MMP11: variants seen among roughly 807,000 people sequenced by gnomAD.
The protein encoded by MMP11 is matrix metallopeptidase 11, also known as stromelysin-3.
MMP11 carries 26 observed loss-of-function variants against 49.5 expected under a neutral mutation model. The observed-to-expected ratio is 0.52, with a 90% CI of 0.38 to 0.73. The LOEUF (loss-of-function observed/expected upper bound fraction) is 0.73. Among genes scored for constraint, MMP11 ranks in the 30% least tolerant of loss-of-function variants. The pLI is 0.00. For missense variants in MMP11, 624 were observed against 671.2 expected (o/e 0.93, Z 0.78); for synonymous variants, 265 against 282.3 (o/e 0.94, Z 0.62).
At position 23,776,307 on chromosome 22, in the gene MMP11, G is replaced by C. The variant is rs530871202; in HGVS notation, c.109-2880G>C. 4.3e-3 allele frequency among the ~76,000 whole-genome samples: 657 copies of C among 152,312 alleles called. 3 individuals are homozygous for C. The highest frequency in any genetic ancestry group is 9.9e-3 in the Admixed American group (152 of 15,300). On this transcript the variant is annotated intron_variant, in intron 1 of 7. Transcript: ENST00000215743. The stretch of plus-strand genomic sequence containing the variant: ...AGCACAGCTCTGCCCTTTCCAGGGA[G>C]GGTCTTCATACCCCTGCCAGGCTGG...
rs368171608 is a variant in MMP11, at chr22:23,782,414, G to T, written c.1264G>T (p.Val422Leu). ...HPSTRRVDSP[V>L]PRRATDWRGV... ...CAGCACCCGGCGTGTAGACAGTCCC[G>T]TGCCCCGCAGGGCCACTGACTGGAG... The change falls in exon 7 of 8, where the codon GTG becomes TTG. Residue 422 changes from valine (V) to leucine (L), a missense_variant. Physicochemically the swap from Val to Leu is conservative, Grantham distance 32. Transcript: ENST00000215743. 6.2e-7 allele frequency: 1 copy of T among 1,613,762 alleles called. No individual in the cohort carries two copies. The highest frequency in any genetic ancestry group is 8.5e-7 in the Non-Finnish European group (1 of 1,179,970).
Position 23,772,997 on chromosome 22 carries a change from C to T in MMP11, c.108+19C>T, listed in dbSNP as rs1927286580. The T allele has an allele frequency of 2.5e-6, 3 of 1,178,380 alleles. No homozygotes were observed. The African/African-American group carries it at 4.9e-5, about 19-fold the overall frequency. The allele number at this position is 1,178,380 out of a possible 1,614,324, so 73.0% of individuals were successfully genotyped here. ...GCCGCCGGTGAGTGCCCGCCACTCGCCGGCCGCTCCTCGCTGAGGGGGCGC... is the reference window on the plus strand; with the variant it reads ...GCCGCCGGTGAGTGCCCGCCACTCGTCGGCCGCTCCTCGCTGAGGGGGCGC... On this transcript the variant is annotated intron_variant, in intron 1 of 7. Transcript: ENST00000215743.
rs368784091 is a variant in MMP11, at chr22:23,780,559, A to G, written c.483-23A>G. On this transcript the variant is annotated intron_variant, in intron 3 of 7. Coordinates refer to ENST00000215743, the MANE Select transcript of MMP11 (RefSeq NM_005940.5). The surrounding 1 kb of genome is among the most constrained non-coding windows in gnomAD (Gnocchi z 4.6). ...CAGCCTCGCCTGCCAGCAGCCACTGACCCCGCCCCCACCCATCTGTAGGTA... is the reference window on the plus strand; with the variant it reads ...CAGCCTCGCCTGCCAGCAGCCACTGGCCCCGCCCCCACCCATCTGTAGGTA... 1.9e-6 allele frequency: 3 copies of G among 1,610,584 alleles called. No individual in the cohort carries two copies. In the African/African-American group the frequency reaches 4.0e-5, roughly 22 times the overall value.
At position 23,780,500 on chromosome 22, in the gene MMP11, C is replaced by T; in HGVS notation, c.480C>T (p.Ala160=). 1.2e-6 allele frequency: 2 copies of T among 1,613,862 alleles called. No homozygotes were observed. The highest frequency in any genetic ancestry group is 1.7e-6 in the Non-Finnish European group (2 of 1,180,010). ...EGRADIMIDF[A]RYWHGDDLPF... ...GTGCTGACATCATGATCGACTTCGCCAGGTGAATGGGCGGCCTGGGACCCC... is the reference window on the plus strand; with the variant it reads ...GTGCTGACATCATGATCGACTTCGCTAGGTGAATGGGCGGCCTGGGACCCC... The change falls in exon 3 of 8, where the codon GCC becomes GCT. Residue 160 remains alanine (A), a splice_region_variant and synonymous_variant. Coordinates refer to ENST00000215743, the MANE Select transcript of MMP11 (RefSeq NM_005940.5). This position sits in a 1 kb window ranked among gnomAD's most constrained non-coding sequence, Gnocchi z 4.6.
chr22:23,780,756 G>A lies in MMP11; in HGVS notation c.616+41G>A. The A allele has an allele frequency of 6.4e-7, 1 of 1,550,664 alleles. No individual in the cohort carries two copies. The highest frequency in any genetic ancestry group is 8.7e-7 in the Non-Finnish European group (1 of 1,150,048). Reference sequence around the variant, plus strand: ...CCATTTTCCAGATGGGGCAACCGAAGATCATAAAGAATGGGGACTCGCCAA... The same window carrying A: ...CCATTTTCCAGATGGGGCAACCGAAAATCATAAAGAATGGGGACTCGCCAA... On this transcript the variant is annotated intron_variant, in intron 4 of 7. Transcript: ENST00000215743. This position sits in a 1 kb window ranked among gnomAD's most constrained non-coding sequence, Gnocchi z 4.6.
intron 1 of MMP11, among the ~76,000 whole-genome samples, chr22:23,773,250 C>G (rs1042556391): frequency 1.3e-5 from 2 of 152,140 alleles, no homozygotes; most frequent in African/African-American, 4.8e-5. Flanking sequence ...ACCTGCCTCT[C>G]GCGCTCCAGC....
chr22:23,776,854 C>G (rs746722567), intron 1 of MMP11, among the ~76,000 whole-genome samples: 1 of 149,622 alleles, frequency 6.7e-6, no homozygotes, highest in Non-Finnish European at 1.5e-5. Flanking sequence ...GTCACCCAGG[C>G]TGGAGTGCTG....
Position 23,780,292 on chromosome 22 carries a change from C to T in MMP11, c.339-67C>T. ...ACACCCACCAAGCATCCAGGGGCAACTCCTGGTGCCTCAGCCATCGGGGGC... is the reference window on the plus strand; with the variant it reads ...ACACCCACCAAGCATCCAGGGGCAATTCCTGGTGCCTCAGCCATCGGGGGC... On this transcript the variant is annotated intron_variant, in intron 2 of 7. Coordinates refer to ENST00000215743, the MANE Select transcript of MMP11 (RefSeq NM_005940.5). This position sits in a 1 kb window ranked among gnomAD's most constrained non-coding sequence, Gnocchi z 4.6. 1 of 1,603,816 alleles carries T rather than the reference C, an allele frequency of 6.2e-7. No homozygotes were observed.
Position 23,782,359 on chromosome 22 carries a change from C to T in MMP11, c.1209C>T (p.Phe403=). ...WGPEKNKIYF[F]RGRDYWRFHP... Reference sequence around the variant, plus strand: ...CCGAGAAGAACAAGATCTACTTCTTCCGAGGCAGGGACTACTGGCGTTTCC... The same window carrying T: ...CCGAGAAGAACAAGATCTACTTCTTTCGAGGCAGGGACTACTGGCGTTTCC... The change falls in exon 7 of 8, where the codon TTC becomes TTT. Residue 403 remains phenylalanine, a synonymous_variant. Transcript: ENST00000215743. 6.2e-7 allele frequency: 1 copy of T among 1,614,062 alleles called. No homozygotes were observed.
chr22:23,780,247 C>A lies in MMP11; in HGVS notation c.339-112C>A. The A allele has an allele frequency of 1.5e-6, 2 of 1,348,940 alleles. No individual in the cohort carries two copies. Among genetic ancestry groups the A allele is most frequent in the Non-Finnish European group, 2.1e-6 (2 of 969,568 alleles). The allele number at this position is 1,348,940 out of a possible 1,614,324, so 83.6% of individuals were successfully genotyped here. ...AAGCTGAGGCCCAGAGTACACCTGG[C>A]CTGTGTCCTGAGTGTTCACACACCC... On this transcript the variant is annotated intron_variant, in intron 2 of 7. Coordinates refer to ENST00000215743, the MANE Select transcript of MMP11 (RefSeq NM_005940.5). This position sits in a 1 kb window ranked among gnomAD's most constrained non-coding sequence, Gnocchi z 4.6.
At position 23,783,825 on chromosome 22, in the gene MMP11, G is replaced by C; in HGVS notation, c.*281G>C. On this transcript the variant is annotated 3_prime_UTR_variant, in exon 8 of 8. Transcript: ENST00000215743. ...CGCTATGCAGGTCCTGGCAAACCTGGCTGCCCTGTCTCCATCCCTGTCCCT... is the reference window on the plus strand; with the variant it reads ...CGCTATGCAGGTCCTGGCAAACCTGCCTGCCCTGTCTCCATCCCTGTCCCT... 1 of 498,396 alleles carries C rather than the reference G, an allele frequency of 2.0e-6. No individual in the cohort carries two copies. The highest frequency in any genetic ancestry group is 3.7e-6 in the Non-Finnish European group (1 of 272,016). The allele number at this position is 498,396 out of a possible 1,614,324, so 30.9% of individuals were successfully genotyped here.
In MMP11 at chr22:23,779,341, G is replaced by T. The variant is rs1392864970; in HGVS notation, c.263G>T (p.Gly88Val). The change falls in exon 2 of 8, where the codon GGG (glycine) becomes GTG (valine). Residue 88 changes from glycine (G) to valine (V), a missense_variant. Transcript: ENST00000215743. ...PRCGVPDPSD[G>V]LSARNRQKRF... ...TGTGGCGTGCCCGACCCATCTGATG[G>T]GCTGAGTGCCCGCAACCGACAGAAG... 1 of 1,613,090 alleles carries T rather than the reference G, an allele frequency of 6.2e-7. No homozygotes were observed. Among genetic ancestry groups the T allele is most frequent in the Non-Finnish European group, 8.5e-7 (1 of 1,179,944 alleles).
Position 23,772,914 on chromosome 22 carries a change from T to A in MMP11, c.44T>A (p.Leu15His). The A allele has an allele frequency of 8.4e-7, 1 of 1,195,820 alleles. No homozygotes were observed. The highest frequency in any genetic ancestry group is 1.0e-6 in the Non-Finnish European group (1 of 963,686). 74.1% of individuals were successfully genotyped at this position (1,195,820 alleles called of 1,614,324 possible). A position where few individuals can be genotyped will look rare whatever the true frequency, so the allele number is the denominator to read the frequency against. ...AWLRSAAARA[L>H]LPPMLLLLLQ... ...CTCCGCAGCGCGGCCGCGCGCGCCC[T>A]CCTGCCCCCGATGCTGCTGCTGCTG... Residue 15 changes from leucine to histidine, a missense_variant, in exon 1 of 8, where the codon CTC (leucine) becomes CAC (histidine). Physicochemically the swap from Leu to His is moderately conservative, Grantham distance 99. Coordinates refer to ENST00000215743, the MANE Select transcript of MMP11 (RefSeq NM_005940.5).
chr22:23,778,252 T>C (rs570403268), intron 1 of MMP11, among the ~76,000 whole-genome samples: 1 of 152,316 alleles, frequency 6.6e-6, no homozygotes, highest in South Asian at 2.1e-4. Flanking sequence ...CTGGGTGACT[T>C]TGCAGGGTCT....
chr22:23,782,623 C>A, intron 7 of MMP11, 140 bp downstream of exon 7: 1 of 1,071,360 alleles, frequency 9.3e-7, no homozygotes, highest in Non-Finnish European at 1.3e-6. Context: ...CATCTGCCCT[C>A]CTCTCGGTGG....
rs754306361 is a variant in MMP11 at position 23,779,383 on chromosome 22, G to A, written c.305G>A (p.Gly102Asp). Residue 102 changes from glycine (G) to aspartate (D), a missense_variant, in exon 2 of 8, where the codon GGC (glycine) becomes GAC (aspartate). Coordinates refer to ENST00000215743, the MANE Select transcript of MMP11 (RefSeq NM_005940.5). ...RNRQKRFVLS[G>D]GRWEKTDLTY... ...CGACAGAAGAGGTTCGTGCTTTCTG[G>A]CGGGCGCTGGGAGAAGACGGACCTC... 83 of 1,612,762 alleles carry A rather than the reference G, an allele frequency of 5.1e-5. No homozygotes were observed. The South Asian group carries it at 9.0e-4, about 18-fold the overall frequency.
Position 23,783,667 on chromosome 22 carries a change from GGGGAT to G in MMP11, c.*127_*131del. ...TGGGACTGAGCCCATGTCTCCTCAG[GGGGAT>G]GGGGTGGGGTACAACCACCATGACA... On this transcript the variant is annotated 3_prime_UTR_variant, in exon 8 of 8. Transcript: ENST00000215743. 7.3e-7 allele frequency: 1 copy of G among 1,365,116 alleles called. No homozygotes were observed. Among genetic ancestry groups the G allele is most frequent in the Non-Finnish European group, 1.0e-6 (1 of 979,430 alleles). 84.6% of individuals were successfully genotyped at this position (1,365,116 alleles called of 1,614,324 possible). A position where few individuals can be genotyped will look rare whatever the true frequency, so the allele number is the denominator to read the frequency against.
chr22:23,772,863 C>T lies in MMP11; in HGVS notation c.-8C>T. 1 of 1,148,942 alleles carries T rather than the reference C, an allele frequency of 8.7e-7. No homozygotes were observed. 71.2% of individuals were successfully genotyped at this position (1,148,942 alleles called of 1,614,324 possible). On this transcript the variant is annotated 5_prime_UTR_variant, in exon 1 of 8. Transcript: ENST00000215743. ...AGCGGCCCAGCAAGCCCAGCAGCCC[C>T]GGGGCGGATGGCTCCGGCCGCCTGG...
chr22:23,778,200 C>A (rs568279022), intron 1 of MMP11, among the ~76,000 whole-genome samples: 6 of 152,352 alleles, frequency 3.9e-5, no homozygotes, highest in African/African-American at 1.4e-4. Context: ...TAGCCTTAGG[C>A]CTGAGCCACC....
Sources: allele counts gnomAD v4.1 joint callset (sites outside exome capture counted in the v4.1 genomes callset), GRCh38; gene constraint gnomAD v4.1.1; non-coding constraint Gnocchi (gnomAD v3.1); transcripts MANE v1.5; gene names NCBI Gene and HGNC (gene_info 2026-07-23, HGNC 2026-07-21).